The following GTF2IRD1 variants were observed in gnomAD, a reference collection of about 807,000 sequenced individuals.
The protein encoded by GTF2IRD1 is general transcription factor II-I repeat domain-containing protein 1.
In GTF2IRD1, 26 loss-of-function variants were observed where a neutral mutation model predicts 113.2. That is an observed-to-expected ratio of 0.23 (90% CI 0.17 to 0.32). The LOEUF is 0.32. Ranked by LOEUF, GTF2IRD1 falls within the 10% of genes least tolerant of loss-of-function variation. The pLI is 1.00. For synonymous variants in GTF2IRD1, 484 were observed against 529.1 expected, an observed-to-expected ratio of 0.91 and a Z score of 1.17; for missense variants, 864 against 1,280.8, an observed-to-expected ratio of 0.67 and a Z score of 4.97.
chr7:74,492,228 T>C (rs1311245039), intron 1 of GTF2IRD1, among the ~76,000 whole-genome samples: 1 of 151,134 alleles, frequency 6.6e-6, no homozygotes, highest in Non-Finnish European at 1.5e-5. Flanking sequence ...TGGAGTTCAG[T>C]GGCGTGATCT....
intron 11 of GTF2IRD1, among the ~76,000 whole-genome samples, chr7:74,537,332 G>C (rs1221620794): frequency 6.6e-6 from 1 of 151,432 alleles, no homozygotes; most frequent in Non-Finnish European, 1.5e-5. Flanking sequence ...AGAATCGCTT[G>C]AACCCTGGAA....
intron 1 of GTF2IRD1, among the ~76,000 whole-genome samples, chr7:74,503,049 C>T (rs7806188): frequency 3.3e-5 from 5 of 151,880 alleles, no homozygotes; most frequent in African/African-American, 2.4e-5. Flanking sequence ...CGCTTGTAAT[C>T]GCAGCTACTT....
chr7:74,583,151 C>G (rs1348243493), intron 22 of GTF2IRD1, among the ~76,000 whole-genome samples: 1 of 152,022 alleles, frequency 6.6e-6, no homozygotes, highest in Admixed American at 6.6e-5. Context: ...AGTGTCTGCA[C>G]GTAGTATGTG....
At chr7:74,601,901 C>T (rs1435260335) in intron 26 of GTF2IRD1, 1 of 162,638 alleles carries the variant, frequency 6.1e-6, no homozygotes, top group Non-Finnish European at 1.3e-5. Context: ...CCAAGATCGT[C>T]CCATTGCACT....
chr7:74,586,506 A>G lies in GTF2IRD1; in HGVS notation c.2321-3345A>G, dbSNP rs116401017. On this transcript the variant is annotated intron_variant, in intron 22 of 26. Transcript: ENST00000424337. ...GGGGGCTGGCGGGCCGTGCCTGAAG[A>G]CAGATCAGCAACTCAGAGATGTGCA... 5.2e-3 allele frequency among the ~76,000 whole-genome samples: 799 copies of G among 152,290 alleles called. 13 individuals are homozygous for G. The highest frequency in any genetic ancestry group is 0.018 in the African/African-American group (759 of 41,564).
At chr7:74,518,375 C>T (rs1178732323) in intron 5 of GTF2IRD1, 53 bp downstream of exon 5, 2 of 1,443,960 alleles carry the variant, frequency 1.4e-6, no homozygotes, top group East Asian at 2.4e-5. Flanking sequence ...AGGGCCGGGT[C>T]AGGGCCGGGG....
At chr7:74,508,653 T>C (rs113504268) in intron 2 of GTF2IRD1, among the ~76,000 whole-genome samples, 14,870 of 149,990 alleles carry the variant, frequency 0.099, 1,870 homozygotes, top group East Asian at 0.38. Context: ...GTCGTGCCAT[T>C]GTACTCCAGC....
chr7:74,562,126 A>T (rs1414240201), intron 22 of GTF2IRD1, among the ~76,000 whole-genome samples: 1 of 152,256 alleles, frequency 6.6e-6, no homozygotes, highest in Non-Finnish European at 1.5e-5. Flanking sequence ...CTTCTGCACC[A>T]GAATGGGCTT....
At chr7:74,492,609 T>A (rs1795428889) in intron 1 of GTF2IRD1, among the ~76,000 whole-genome samples, 1 of 152,208 alleles carries the variant, frequency 6.6e-6, no homozygotes, top group Admixed American at 6.5e-5. Flanking sequence ...TGGCTGCATG[T>A]ACATCTCCTT....
chr7:74,542,758 G>GT (rs1420747822), intron 14 of GTF2IRD1, among the ~76,000 whole-genome samples: 1 of 152,254 alleles, frequency 6.6e-6, no homozygotes, highest in Non-Finnish European at 1.5e-5. Context: ...AATTGGCACG[G>GT]TGCCCAGCTG....
intron 1 of GTF2IRD1, among the ~76,000 whole-genome samples, chr7:74,504,551 G>A (rs1370975159): frequency 6.6e-6 from 1 of 152,064 alleles, no homozygotes; most frequent in Non-Finnish European, 1.5e-5. Flanking sequence ...CATGGTGACA[G>A]CAAGGACACC....
intron 25 of GTF2IRD1, among the ~76,000 whole-genome samples, chr7:74,600,796 G>C (rs1162666061): frequency 6.6e-6 from 1 of 152,130 alleles, no homozygotes; most frequent in Non-Finnish European, 1.5e-5. Context: ...AGGATACGGT[G>C]TTAGCAAAGG....
chr7:74,493,034 C>G (rs902232486), intron 1 of GTF2IRD1, among the ~76,000 whole-genome samples: 1 of 151,976 alleles, frequency 6.6e-6, no homozygotes, highest in Admixed American at 6.6e-5. Context: ...TGAAGTGATC[C>G]TGCTGCCTTG....
intron 8 of GTF2IRD1, 86 bp downstream of exon 8, chr7:74,524,240 C>T (rs937527460): frequency 5.9e-6 from 4 of 678,554 alleles, no homozygotes; most frequent in South Asian, 4.6e-5. Context: ...TTCCCCAACA[C>T]GGCAGCGGGA....
chr7:74,489,219 C>T (rs1043354498), intron 1 of GTF2IRD1, among the ~76,000 whole-genome samples: 3 of 152,186 alleles, frequency 2.0e-5, no homozygotes, highest in African/African-American at 7.2e-5. Context: ...GGACCAAGTT[C>T]TTCCACGAGT....
chr7:74,590,818 C>T lies in GTF2IRD1; in HGVS notation c.2399-7C>T, dbSNP rs1554369276. 6.4e-7 allele frequency: 1 copy of T among 1,572,798 alleles called. No homozygotes were observed. Among genetic ancestry groups the T allele is most frequent in the East Asian group, 2.3e-5 (1 of 44,140 alleles). On this transcript the variant is annotated splice_polypyrimidine_tract_variant and splice_region_variant and intron_variant, in intron 23 of 26. Transcript: ENST00000424337. ...CTTTCCTCACTGTGACTTCCTGTGCCCTCTAGGTGAGGCCCTGGGCCTGAA... is the reference window on the plus strand; with the variant it reads ...CTTTCCTCACTGTGACTTCCTGTGCTCTCTAGGTGAGGCCCTGGGCCTGAA...
intron 22 of GTF2IRD1, among the ~76,000 whole-genome samples, chr7:74,560,387 G>T (rs1799873317): frequency 6.6e-6 from 1 of 151,394 alleles, no homozygotes; most frequent in Admixed American, 6.6e-5. Flanking sequence ...TAAGATGTGG[G>T]TGGCGCCTAC....
chr7:74,487,034 T>C (rs966455657), intron 1 of GTF2IRD1, among the ~76,000 whole-genome samples: 4 of 152,134 alleles, frequency 2.6e-5, no homozygotes, highest in Middle Eastern at 3.2e-3. Context: ...AATTACAAGA[T>C]AACTTTTCTT....
At chr7:74,595,489 C>T (rs1383863984) in intron 25 of GTF2IRD1, among the ~76,000 whole-genome samples, 2 of 151,612 alleles carry the variant, frequency 1.3e-5, no homozygotes, top group African/African-American at 4.8e-5. Flanking sequence ...TACCACTGCA[C>T]TCCAGCCTGA....
Sources: allele counts gnomAD v4.1 joint callset (sites outside exome capture counted in the v4.1 genomes callset), GRCh38; gene constraint gnomAD v4.1.1; transcripts MANE v1.5; gene names NCBI Gene and HGNC (gene_info 2026-07-23, HGNC 2026-07-21).